The following TEKT5 variants were observed in gnomAD, a reference collection of about 807,000 sequenced individuals.
The protein encoded by TEKT5 is tektin 5, also known as tektin-5.
A neutral mutation model predicts 48.7 loss-of-function variants in TEKT5; 52 were observed. The observed-to-expected ratio is 1.07, with a 90% CI of 0.86 to 1.35. The LOEUF is 1.35. TEKT5 is among the 40% of genes most tolerant of loss of function. The probability of loss-of-function intolerance (pLI) is 0.00; values close to 1 mark genes in which losing one functional copy is unlikely to be tolerated. For missense variants in TEKT5, 831 were observed against 641.6 expected (o/e 1.30, Z -3.19); for synonymous variants, 318 against 267.6 (o/e 1.19, Z -1.84).
At chr16:10,677,834 C>A (rs1201297189) in intron 4 of TEKT5, among the ~76,000 whole-genome samples, 3 of 146,266 alleles carry the variant, frequency 2.1e-5, no homozygotes, top group Non-Finnish European at 3.0e-5. Flanking sequence ...CATCTGGAAA[C>A]CAAAGGACAG....
intron 5 of TEKT5, among the ~76,000 whole-genome samples, chr16:10,655,174 T>C (rs1898240143): frequency 6.6e-6 from 1 of 152,086 alleles, no homozygotes; most frequent in Non-Finnish European, 1.5e-5. Flanking sequence ...CTCTTTTACA[T>C]ACACACACAT....
chr16:10,676,096 G>T lies in TEKT5; in HGVS notation c.949C>A (p.Arg317=), dbSNP rs781104228. ...TCAAAGAGGTGCTCCGCCTCCTCCC[G>T]CAGCTGGATGGAGTTGGCCCGCATG... ...QNMRANSIQL[R]EEAEHLFETL... is the part of the protein sequence containing the mutation. The change falls in exon 5 of 7, where the codon CGG becomes AGG. Residue 317 remains arginine (R), a synonymous_variant. Transcript: ENST00000283025. 2.5e-6 allele frequency: 4 copies of T among 1,614,108 alleles called. No individual in the cohort carries two copies. The African/African-American group carries it at 5.3e-5, about 22-fold the overall frequency.
intron 1 of TEKT5, chr16:10,690,504 G>T: frequency 1.1e-6 from 1 of 912,732 alleles, no homozygotes. Context: ...CTGCAGATGG[G>T]TGCCATATTG....
intron 5 of TEKT5, among the ~76,000 whole-genome samples, chr16:10,636,517 G>C (rs951750310): frequency 6.6e-6 from 1 of 152,092 alleles, no homozygotes; most frequent in Non-Finnish European, 1.5e-5. Flanking sequence ...TTGCCAATCA[G>C]TGCTCAGCAG....
At chr16:10,675,012 G>A (rs1256013941) in intron 5 of TEKT5, among the ~76,000 whole-genome samples, 1 of 151,944 alleles carries the variant, frequency 6.6e-6, no homozygotes, top group African/African-American at 2.4e-5. Context: ...TTTTAGTAGA[G>A]CCAGGGTTTC....
chr16:10,679,753 T>A (rs1898711618), intron 4 of TEKT5, among the ~76,000 whole-genome samples: 1 of 151,876 alleles, frequency 6.6e-6, no homozygotes, highest in African/African-American at 2.4e-5. Context: ...AAAATTTAGC[T>A]GGGCGTGATG....
intron 3 of TEKT5, 69 bp from the exon 4 acceptor site, chr16:10,682,205 A>G: frequency 1.3e-6 from 2 of 1,554,958 alleles, no homozygotes; most frequent in South Asian, 2.4e-5. Context: ...GCCACACAGC[A>G]GGTGTGTGTT....
rs375055717 is a variant in TEKT5 at position 10,694,526 on chromosome 16, C to A, written c.348G>T (p.Thr116=). The change falls in exon 1 of 7, where the codon ACG becomes ACT. Residue 116 remains threonine (T), a synonymous_variant. Transcript: ENST00000283025. The part of the protein sequence containing the change: ...EASRLWASRL[T]DDSMRLLQDK... ...CCTGCAAGAGCCTCATGGAGTCATC[C>A]GTCAGCCGGCTGGCCCACAGCCGGG... is the stretch of plus-strand genomic sequence containing the variant. The A allele has an allele frequency of 1.2e-6, 2 of 1,608,202 alleles. No individual in the cohort carries two copies. Among genetic ancestry groups the A allele is most frequent in the Non-Finnish European group, 1.7e-6 (2 of 1,176,992 alleles).
intron 5 of TEKT5, among the ~76,000 whole-genome samples, chr16:10,637,900 T>C (rs1005964847): frequency 6.6e-6 from 1 of 152,226 alleles, no homozygotes; most frequent in Non-Finnish European, 1.5e-5. Flanking sequence ...AGCCTCGACC[T>C]CCAGGGCTCA....
intron 3 of TEKT5, among the ~76,000 whole-genome samples, chr16:10,684,893 G>C (rs1212424240): frequency 1.3e-5 from 2 of 152,216 alleles, no homozygotes. Context: ...ACCCTGCCCA[G>C]ATGCGGGCCT....
chr16:10,652,682 GACACACACACACACACACACACACACAC>G (rs1187367332), intron 5 of TEKT5, among the ~76,000 whole-genome samples: 1 of 7,626 alleles, frequency 1.3e-4, no homozygotes, highest in Non-Finnish European at 2.1e-4. Context: ...TACACAGGCA[GACACACACACACACACACACACACACAC>G]ACACACACAC....
At position 10,668,206 on chromosome 16, in the gene TEKT5, A is replaced by G. The variant is rs765456390; in HGVS notation, c.1086+7753T>C. 2.0e-5 allele frequency among the ~76,000 whole-genome samples: 3 copies of G among 152,286 alleles called. 1 individual carries two copies. The South Asian group carries it at 6.2e-4, about 32-fold the overall frequency. On this transcript the variant is annotated intron_variant, in intron 5 of 6. Coordinates refer to ENST00000283025, the MANE Select transcript of TEKT5 (RefSeq NM_144674.2). ...AAAAAAGAAGTTAATAATTATATCT[A>G]GGTTCTATTGCTTTCCAAAGCTTCT...
intron 3 of TEKT5, among the ~76,000 whole-genome samples, chr16:10,685,749 A>C: frequency 6.6e-6 from 1 of 150,834 alleles, no homozygotes; most frequent in Non-Finnish European, 1.5e-5. Context: ...TTATCTCTTC[A>C]TGTCTCTGTC....
Position 10,694,586 on chromosome 16 carries a change from C to G in TEKT5, c.288G>C (p.Gln96His), listed in dbSNP as rs1336252036. ...CCCCACGCACCTGCAGCTGGTTGGA[C>G]TGGTCCCAGTCGTGGGGGCTATAGC... ...FSRYSPHDWD[Q>H]SNQLQVRGAE... is the part of the protein sequence containing the mutation. Residue 96 changes from glutamine (Q) to histidine (H), a missense_variant, in exon 1 of 7, where the codon CAG becomes CAC. Transcript: ENST00000283025. 1 of 1,606,030 alleles carries G rather than the reference C, an allele frequency of 6.2e-7. No individual in the cohort carries two copies. Among genetic ancestry groups the G allele is most frequent in the Non-Finnish European group, 8.5e-7 (1 of 1,175,956 alleles).
At chr16:10,662,964 G>A (rs902061741) in intron 5 of TEKT5, among the ~76,000 whole-genome samples, 1 of 152,176 alleles carries the variant, frequency 6.6e-6, no homozygotes, top group African/African-American at 2.4e-5. Context: ...GCTTGCAGCA[G>A]GATGGAAAAC....
intron 5 of TEKT5, among the ~76,000 whole-genome samples, chr16:10,660,887 G>C (rs1230483226): frequency 6.6e-6 from 1 of 152,094 alleles, no homozygotes; most frequent in Admixed American, 6.5e-5. Context: ...TTTTAGTTGA[G>C]ATGTGGTTTC....
At chr16:10,644,411 A>T (rs1011236910) in intron 5 of TEKT5, among the ~76,000 whole-genome samples, 1 of 152,178 alleles carries the variant, frequency 6.6e-6, no homozygotes, top group African/African-American at 2.4e-5. Flanking sequence ...ATTCTTCCAG[A>T]ATGGCTTATT....
intron 6 of TEKT5, among the ~76,000 whole-genome samples, chr16:10,629,709 G>C (rs553599382): frequency 2.0e-5 from 3 of 152,324 alleles, no homozygotes; most frequent in African/African-American, 7.2e-5. Flanking sequence ...CAATTAAGTT[G>C]CTCAGCCAAT....
intron 5 of TEKT5, among the ~76,000 whole-genome samples, chr16:10,649,349 C>T (rs895709885): frequency 2.6e-5 from 4 of 151,896 alleles, no homozygotes; most frequent in African/African-American, 9.7e-5. Context: ...AGCCTCAAGC[C>T]ATCCTCCTGC....
Sources: allele counts gnomAD v4.1 joint callset (sites outside exome capture counted in the v4.1 genomes callset), GRCh38; gene constraint gnomAD v4.1.1; transcripts MANE v1.5; gene names NCBI Gene and HGNC (gene_info 2026-07-23, HGNC 2026-07-21).